The following CASK variants were observed in gnomAD, a reference collection of about 807,000 sequenced individuals.
CASK encodes calcium/calmodulin dependent serine protein kinase, also known as peripheral plasma membrane protein CASK.
Under a neutral mutation model 82.9 loss-of-function variants are expected in CASK, and 4 were observed. That is an observed-to-expected ratio of 0.05 (90% CI 0.02 to 0.11). The LOEUF is 0.11. Among genes scored for constraint, CASK ranks in the 10% least tolerant of loss-of-function variants. The probability of loss-of-function intolerance (pLI) is 1.00; values close to 1 mark genes in which losing one functional copy is unlikely to be tolerated. For synonymous variants in CASK, 259 were observed against 253.5 expected, an observed-to-expected ratio of 1.02 and a Z score of -0.20; for missense variants, 358 against 720.9, an observed-to-expected ratio of 0.50 and a Z score of 5.76.
chrX:41,537,049 G>A (rs1332157953), intron 22 of CASK, among the ~76,000 whole-genome samples: 1 of 111,768 alleles, frequency 8.9e-6, no homozygotes, highest in Non-Finnish European at 1.9e-5. Context: ...CAAGCTTTCC[G>A]AATGGTATAT....
At chrX:41,846,148 A>G (rs1390956761) in intron 2 of CASK, among the ~76,000 whole-genome samples, 2 of 111,705 alleles carry the variant, frequency 1.8e-5, no homozygotes, top group African/African-American at 6.5e-5. Flanking sequence ...CACTATTCAC[A>G]ATAGCCAAGA....
At chrX:41,892,626 T>C (rs1195386) in intron 1 of CASK, among the ~76,000 whole-genome samples, 21,392 of 111,072 alleles carry the variant, frequency 0.19, 1,642 homozygotes, top group Middle Eastern at 0.3. Flanking sequence ...TGAGCCACCA[T>C]ACCCGGCCAA....
intron 3 of CASK, among the ~76,000 whole-genome samples, chrX:41,750,139 A>T (rs920863577): frequency 8.9e-6 from 1 of 112,066 alleles, no homozygotes; most frequent in African/African-American, 3.2e-5. Flanking sequence ...CTATTTGATT[A>T]TTTATAATAT....
intron 2 of CASK, among the ~76,000 whole-genome samples, chrX:41,850,102 C>T (rs191201645): frequency 2.5e-3 from 281 of 111,793 alleles, no homozygotes; most frequent in African/African-American, 8.1e-3. Flanking sequence ...ATAACCTGAG[C>T]CCAAGGAGGT....
At chrX:41,762,456 C>A (rs2069018638) in intron 3 of CASK, among the ~76,000 whole-genome samples, 3 of 111,671 alleles carry the variant, frequency 2.7e-5, no homozygotes, top group Non-Finnish European at 5.6e-5. Flanking sequence ...GAGTAGACAC[C>A]TACAGGTGGG....
At chrX:41,856,390 T>C (rs1020028920) in intron 1 of CASK, among the ~76,000 whole-genome samples, 2 of 110,861 alleles carry the variant, frequency 1.8e-5, no homozygotes, top group African/African-American at 6.6e-5. Flanking sequence ...AAAGAGATAA[T>C]AAGGAAAGTT....
intron 5 of CASK, among the ~76,000 whole-genome samples, chrX:41,673,094 G>A (rs1487153863): frequency 2.7e-5 from 3 of 112,034 alleles, no homozygotes; most frequent in African/African-American, 9.7e-5. Flanking sequence ...CTGTGTAACT[G>A]TTATCACCTT....
chrX:41,907,577 T>C (rs1299885243), intron 1 of CASK, among the ~76,000 whole-genome samples: 1 of 111,789 alleles, frequency 8.9e-6, no homozygotes, highest in Non-Finnish European at 1.9e-5. Context: ...AGGCTAACTT[T>C]TAAAACTCTC....
chrX:41,591,306 G>C (rs1330748991), intron 12 of CASK, among the ~76,000 whole-genome samples: 2 of 109,278 alleles, frequency 1.8e-5, no homozygotes, highest in Non-Finnish European at 3.8e-5. Flanking sequence ...ATAAAAAATA[G>C]TAAAACAACA....
intron 12 of CASK, among the ~76,000 whole-genome samples, chrX:41,603,414 T>C (rs1218492401): frequency 8.9e-6 from 1 of 112,035 alleles, no homozygotes; most frequent in Non-Finnish European, 1.9e-5. Context: ...TAGTTTTCCA[T>C]GGCTAACTCC....
chrX:41,827,627 G>A (rs1403236551), intron 2 of CASK, among the ~76,000 whole-genome samples: 2 of 111,986 alleles, frequency 1.8e-5, no homozygotes, highest in African/African-American at 6.5e-5. Context: ...ACCATAGCAG[G>A]CCCATACTTC....
chrX:41,807,758 C>T (rs2070154622), intron 2 of CASK, among the ~76,000 whole-genome samples: 1 of 111,442 alleles, frequency 9.0e-6, no homozygotes, highest in Non-Finnish European at 1.9e-5. Flanking sequence ...TATCAGGAGC[C>T]CACTCCAGCA....
intron 1 of CASK, among the ~76,000 whole-genome samples, chrX:41,855,890 A>G (rs915800706): frequency 4.4e-5 from 5 of 112,508 alleles, no homozygotes; most frequent in African/African-American, 1.6e-4. Flanking sequence ...ATTGATTGGG[A>G]TGGTAAAACA....
intron 3 of CASK, among the ~76,000 whole-genome samples, chrX:41,759,481 A>C (rs1033749170): frequency 6.3e-5 from 7 of 111,597 alleles, no homozygotes; most frequent in Non-Finnish European, 1.1e-4. Context: ...CTAAATGTTT[A>C]GTAGTGCAAA....
chrX:41,645,553 A>G (rs762834490), intron 8 of CASK, among the ~76,000 whole-genome samples: 1 of 111,387 alleles, frequency 9.0e-6, no homozygotes, highest in African/African-American at 3.3e-5. Flanking sequence ...CTGCCTTCAG[A>G]TATGATGAGA....
intron 8 of CASK, among the ~76,000 whole-genome samples, chrX:41,651,537 C>T (rs1033427992): frequency 1.8e-4 from 20 of 111,285 alleles, no homozygotes; most frequent in South Asian, 3.8e-4. Flanking sequence ...ACTGCAGGTG[C>T]GCACCACCAC....
At chrX:41,691,238 G>A (rs1156451324) in intron 5 of CASK, among the ~76,000 whole-genome samples, 1 of 111,711 alleles carries the variant, frequency 9.0e-6, no homozygotes, top group Non-Finnish European at 1.9e-5. Context: ...ATCGGGTCTA[G>A]AAGTTTAAAA....
rs775119420 is a variant in CASK at position 41,656,267 on chromosome X, T to A, written c.831+4172A>T. ...AAGAGACAGACACTGCCCATGGCTG[T>A]GGGGCAGATTTCCCTGGTGGGAAAG... On this transcript the variant is annotated intron_variant, in intron 8 of 26. Transcript: ENST00000378163. Among the ~76,000 whole-genome samples the A allele has an allele frequency of 6.5e-3, 729 of 111,981 alleles. 12 individuals carry two copies. Among genetic ancestry groups the A allele is most frequent in the African/African-American group, 0.023 (698 of 30,850 alleles).
chrX:41,819,764 G>A (rs1213559453), intron 2 of CASK, among the ~76,000 whole-genome samples: 1 of 111,591 alleles, frequency 9.0e-6, no homozygotes, highest in East Asian at 2.8e-4. Flanking sequence ...TTTATCCCAG[G>A]AATGCAAGGT....
Sources: gnomAD v4.1 joint callset for allele counts (sites outside exome capture counted in the v4.1 genomes callset) on GRCh38, gnomAD v4.1.1 for gene constraint, MANE v1.5 for transcripts, NCBI Gene and HGNC (gene_info 2026-07-23, HGNC 2026-07-21) for gene names.